ITGAM: variants seen among roughly 807,000 people sequenced by gnomAD.
ITGAM encodes the protein integrin alpha-M.
A neutral mutation model predicts 137.5 loss-of-function variants in ITGAM; 79 were observed. The ratio of observed to expected loss-of-function variants is 0.57; its 90% CI spans 0.48 to 0.69. The LOEUF is 0.69. ITGAM is among the 30% of genes least tolerant of loss of function. ITGAM has a pLI of 0.00. For missense variants in ITGAM, 1,343 were observed against 1,483.5 expected, an observed-to-expected ratio of 0.91 and a Z score of 1.56; for synonymous variants, 583 against 592.3, an observed-to-expected ratio of 0.98 and a Z score of 0.23.
intron 6 of ITGAM, among the ~76,000 whole-genome samples, chr16:31,271,544 G>C (rs902000534): frequency 6.6e-6 from 1 of 152,148 alleles, no homozygotes; most frequent in Non-Finnish European, 1.5e-5. Context: ...GTAGAGACGG[G>C]GTTTCACCAT....
chr16:31,266,214 T>TGAC (rs2079766134), intron 5 of ITGAM, 67 bp downstream of exon 5: 1 of 1,100,350 alleles, frequency 9.1e-7, no homozygotes, highest in African/African-American at 1.5e-5. Flanking sequence ...AGGACTGAGG[T>TGAC]GACGTCTGCT....
intron 9 of ITGAM, 115 bp downstream of exon 9, chr16:31,275,814 C>A: frequency 1.1e-6 from 1 of 946,140 alleles, no homozygotes; most frequent in Non-Finnish European, 1.6e-6. Context: ...AGCATCAACT[C>A]TCTCCACTTC....
In ITGAM at chr16:31,330,528, G is replaced by C; in HGVS notation, c.3199G>C (p.Val1067Leu). The C allele has an allele frequency of 6.2e-7, 1 of 1,613,740 alleles. No individual in the cohort carries two copies. Among genetic ancestry groups the C allele is most frequent in the Non-Finnish European group, 8.5e-7 (1 of 1,179,684 alleles). ...IKTSHNHLLIVSTAEILFNDS... is the reference protein window; with the variant it reads ...IKTSHNHLLILSTAEILFNDS... ...GACCTCGCATAACCACCTCCTGATC[G>C]TGAGCACAGCTGAGATCTTGTTTAA... The change falls in exon 28 of 30, where the codon GTG (valine) becomes CTG (leucine). Residue 1067 changes from valine (V) to leucine (L), a missense_variant. Coordinates refer to ENST00000544665, the MANE Select transcript of ITGAM (RefSeq NM_000632.4).
At position 31,265,396 on chromosome 16, in the gene ITGAM, G is replaced by A. The variant is rs368901155; in HGVS notation, c.136G>A (p.Val46Met). 3.8e-5 allele frequency: 60 copies of A among 1,589,806 alleles called. No homozygotes were observed. Among genetic ancestry groups the A allele is most frequent in the Non-Finnish European group, 3.7e-5 (43 of 1,165,990 alleles). ...CTCTGTTCCCACTTCTCCCCACAGG[G>A]TGGTGGTTGGAGCCCCCCAGGAGAT... ...QSVVQLQGSR[V>M]VVGAPQEIVA... Residue 46 changes from valine to methionine, a missense_variant and splice_region_variant, in exon 3 of 30, where the codon GTG (valine) becomes ATG (methionine). Val to Met is a conservative substitution (Grantham distance 21, BLOSUM62 1). Transcript: ENST00000544665.
At chr16:31,263,597 T>C (rs1371885298) in intron 2 of ITGAM, among the ~76,000 whole-genome samples, 1 of 151,788 alleles carries the variant, frequency 6.6e-6, no homozygotes, top group African/African-American at 2.4e-5. Context: ...TTAAATTGCT[T>C]CTTTTTTTTT....
At chr16:31,272,454 TATATATATA>T (rs1436125045) in intron 7 of ITGAM, among the ~76,000 whole-genome samples, 19 of 12,680 alleles carry the variant, frequency 1.5e-3, no homozygotes, top group Non-Finnish European at 2.2e-3. Context: ...TATATATATA[TATATATATA>T]TTTTTTTTTT....
At chr16:31,298,072 AAAT>A in intron 14 of ITGAM, 118 bp downstream of exon 14, 2 of 846,210 alleles carry the variant, frequency 2.4e-6, no homozygotes, top group South Asian at 3.1e-5. Context: ...GAACCTTCAA[AAAT>A]AATAACATGT....
At chr16:31,319,214 G>T (rs574281592) in intron 14 of ITGAM, among the ~76,000 whole-genome samples, 129 of 150,180 alleles carry the variant, frequency 8.6e-4, no homozygotes, top group African/African-American at 3.0e-3. Flanking sequence ...TGTCTGTTAA[G>T]TCCATTTGGT....
intron 23 of ITGAM, 190 bp from the exon 24 acceptor site, chr16:31,329,038 A>C: frequency 1.5e-6 from 1 of 645,690 alleles, no homozygotes; most frequent in Non-Finnish European, 2.8e-6. Context: ...GAGTGGCCCA[A>C]ATGGGCACGC....
In ITGAM at chr16:31,297,534, C is replaced by CT; in HGVS notation, c.1378dup (p.Ser460PhefsTer47). 6.2e-7 allele frequency: 1 copy of CT among 1,612,066 alleles called. No individual in the cohort carries two copies. Among genetic ancestry groups the CT allele is most frequent in the South Asian group, 1.1e-5 (1 of 90,992 alleles). On this transcript the variant is annotated frameshift_variant, in exon 13 of 30. Transcript: ENST00000544665. LOFTEE classifies it high-confidence loss of function. ...TTCAGATCGGCGCCTACTTCGGGGC[C>CT]TCCCTCTGCTCCGTGGACGTGGACA... is the stretch of plus-strand genomic sequence containing the variant.
intron 5 of ITGAM, among the ~76,000 whole-genome samples, chr16:31,266,898 C>G (rs1281554586): frequency 2.0e-5 from 3 of 149,504 alleles, no homozygotes; most frequent in Non-Finnish European, 4.4e-5. Flanking sequence ...GGCAGAGTCT[C>G]GCTCTGTCAC....
At chr16:31,314,057 C>T (rs577747726) in intron 14 of ITGAM, among the ~76,000 whole-genome samples, 32 of 151,988 alleles carry the variant, frequency 2.1e-4, no homozygotes, top group African/African-American at 7.7e-4. Context: ...ATATCCTTTG[C>T]CCATTTTTTG....
intron 12 of ITGAM, among the ~76,000 whole-genome samples, chr16:31,279,590 A>AT (rs1227668111): frequency 6.6e-6 from 1 of 151,552 alleles, no homozygotes; most frequent in Non-Finnish European, 1.5e-5. Context: ...GGGTTGTTTG[A>AT]TTTTTTCTTG....
At position 31,330,424 on chromosome 16, in the gene ITGAM, G is replaced by T; in HGVS notation, c.3174+3G>T. On this transcript the variant is annotated splice_donor_region_variant and intron_variant, in intron 27 of 29. Coordinates refer to ENST00000544665, the MANE Select transcript of ITGAM (RefSeq NM_000632.4). ...TCTCGTTTGACTGGTACATCAAGGT[G>T]TGTGGGGTCCTGAGGCTTCGCCGGG... 1.2e-6 allele frequency: 2 copies of T among 1,612,726 alleles called. No individual in the cohort carries two copies. The highest frequency in any genetic ancestry group is 1.3e-5 in the African/African-American group (1 of 75,052).
intron 23 of ITGAM, among the ~76,000 whole-genome samples, chr16:31,328,792 A>G (rs1191899250): frequency 4.2e-5 from 6 of 143,230 alleles, no homozygotes; most frequent in African/African-American, 1.6e-4. Flanking sequence ...GTATTTGTGC[A>G]TGTGTGTGTG....
At chr16:31,266,255 G>A (rs1596969701) in intron 5 of ITGAM, 108 bp downstream of exon 5, 4 of 734,450 alleles carry the variant, frequency 5.4e-6, no homozygotes, top group South Asian at 3.2e-5. Context: ...CAGAAGAGTG[G>A]GGGAACTGGG....
intron 12 of ITGAM, among the ~76,000 whole-genome samples, chr16:31,283,123 C>A (rs1047615523): frequency 3.9e-5 from 6 of 152,160 alleles, no homozygotes; most frequent in African/African-American, 1.4e-4. Flanking sequence ...TGTGGGTAAC[C>A]TGACCTTTCT....
chr16:31,283,199 G>A (rs1196370852), intron 12 of ITGAM, among the ~76,000 whole-genome samples: 1 of 152,068 alleles, frequency 6.6e-6, no homozygotes, highest in African/African-American at 2.4e-5. Context: ...TATGTGTCTT[G>A]GAGTTGCTCT....
intron 12 of ITGAM, among the ~76,000 whole-genome samples, chr16:31,286,337 C>T (rs891992920): frequency 6.6e-6 from 1 of 152,072 alleles, no homozygotes; most frequent in Non-Finnish European, 1.5e-5. Flanking sequence ...GATAGAACAG[C>T]TTATTTTCTT....
Sources: allele counts gnomAD v4.1 joint callset (sites outside exome capture counted in the v4.1 genomes callset), GRCh38; gene constraint gnomAD v4.1.1; transcripts MANE v1.5; gene names NCBI Gene and HGNC (gene_info 2026-07-23, HGNC 2026-07-21).